Variants in COL11A2 observed in about 807,000 individuals in gnomAD.
COL11A2 encodes collagen type XI alpha 2 chain.
In COL11A2, 116 loss-of-function variants were observed where a neutral mutation model predicts 273.4. The observed-to-expected ratio is 0.42, with a 90% CI of 0.36 to 0.49. COL11A2 has a LOEUF of 0.49. COL11A2 is among the 20% of genes least tolerant of loss of function. The pLI is 0.00. For synonymous variants in COL11A2, 782 were observed against 864.2 expected, an observed-to-expected ratio of 0.90 and a Z score of 1.67; for missense variants, 1,866 against 2,309.0, an observed-to-expected ratio of 0.81 and a Z score of 3.93.
chr6:33,189,156 C>T lies in COL11A2; in HGVS notation c.265G>A (p.Val89Ile). 1 of 1,613,968 alleles carries T rather than the reference C, an allele frequency of 6.2e-7. No individual in the cohort carries two copies. Among genetic ancestry groups the T allele is most frequent in the Non-Finnish European group, 8.5e-7 (1 of 1,179,910 alleles). Residue 89 changes from valine to isoleucine, a missense_variant, in exon 3 of 66, where the codon GTT becomes ATT. Coordinates refer to ENST00000341947, the MANE Select transcript of COL11A2 (RefSeq NM_080680.3). The surrounding 1 kb of genome is among the most constrained non-coding windows in gnomAD (Gnocchi z 5.6). ...TGGAGACCAGGGCGGGTCCGGACAA[C>T]AGTCAGCAGAGAGAAATCTTTGGGA... Reference protein sequence around the residue: ...GFPKDFSLLTVVRTRPGLQAP... With the variant: ...GFPKDFSLLTIVRTRPGLQAP...
Position 33,192,261 on chromosome 6 carries a change from G to T in COL11A2, c.-21C>A, listed in dbSNP as rs767695417. On this transcript the variant is annotated 5_prime_UTR_variant, in exon 1 of 66. Coordinates refer to ENST00000341947, the MANE Select transcript of COL11A2 (RefSeq NM_080680.3). ...TCCATGGCTGAGAAGCCGAAACGCC[G>T]GGTCCCAGGGACCCAGGTCGGCCTG... The T allele has an allele frequency of 2.6e-6, 4 of 1,550,804 alleles. No homozygotes were observed. The highest frequency in any genetic ancestry group is 3.5e-6 in the Non-Finnish European group (4 of 1,147,538).
rs1768734526 is a variant in COL11A2, at chr6:33,164,161, G to A, written c.5070+106C>T. On this transcript the variant is annotated intron_variant, in intron 65 of 65. Coordinates refer to ENST00000341947, the MANE Select transcript of COL11A2 (RefSeq NM_080680.3). This position sits in a 1 kb window ranked among gnomAD's most constrained non-coding sequence, Gnocchi z 4.7. ...GCATCCCTGACAATCCAGCAGGACG[G>A]ACTCCTCCCTGCTCCCCCTGGGTGC... The A allele has an allele frequency of 3.0e-6, 4 of 1,319,238 alleles. No homozygotes were observed. Among genetic ancestry groups the A allele is most frequent in the Non-Finnish European group, 4.2e-6 (4 of 954,424 alleles). The allele number at this position is 1,319,238 out of a possible 1,614,324, so 81.7% of individuals were successfully genotyped here. A position where few individuals can be genotyped will look rare whatever the true frequency, so the allele number is the denominator to read the frequency against.
Position 33,163,658 on chromosome 6 carries a change from A to C in COL11A2, c.*20T>G, listed in dbSNP as rs374717402. ...CAGGTGGGCCTGGTTCCGAATGGACAGGATCAGACAGAGACGGTCCTATCC... is the reference window on the plus strand; with the variant it reads ...CAGGTGGGCCTGGTTCCGAATGGACCGGATCAGACAGAGACGGTCCTATCC... On this transcript the variant is annotated 3_prime_UTR_variant, in exon 66 of 66. Coordinates refer to ENST00000341947, the MANE Select transcript of COL11A2 (RefSeq NM_080680.3). The surrounding 1 kb of genome is among the most constrained non-coding windows in gnomAD (Gnocchi z 4.1). 2.5e-6 allele frequency: 4 copies of C among 1,612,936 alleles called. No individual in the cohort carries two copies. In the African/African-American group the frequency reaches 5.3e-5, roughly 22 times the overall value.
At chr6:33,182,980 C>A (rs899589806) in intron 8 of COL11A2, among the ~76,000 whole-genome samples, 3 of 152,122 alleles carry the variant, frequency 2.0e-5, no homozygotes, top group African/African-American at 7.2e-5. Flanking sequence ...TCTCTGAAAT[C>A]CCATATCAAC....
intron 12 of COL11A2, 151 bp downstream of exon 12, chr6:33,180,107 C>T (rs1177829653): frequency 1.1e-6 from 1 of 895,770 alleles, no homozygotes; most frequent in East Asian, 2.5e-5. Context: ...CCCCATCTCC[C>T]CAACCCCAAA....
In COL11A2 at chr6:33,169,878, G is replaced by A; in HGVS notation, c.3643C>T (p.Pro1215Ser). 3 of 1,614,080 alleles carry A rather than the reference G, an allele frequency of 1.9e-6. No homozygotes were observed. Among genetic ancestry groups the A allele is most frequent in the South Asian group, 2.2e-5 (2 of 91,076 alleles). Reference protein sequence around the residue: ...NLGPPGEKGEPGESGSPGIQG... With the variant: ...NLGPPGEKGESGESGSPGIQG... ...ATCCCTGGAGATCCTGACTCTCCTGGTTCCCCCTGCAAAGAGATTAGAGTC... is the reference window on the plus strand; with the variant it reads ...ATCCCTGGAGATCCTGACTCTCCTGATTCCCCCTGCAAAGAGATTAGAGTC... The change falls in exon 50 of 66, where the codon CCA becomes TCA. Residue 1215 changes from proline (P) to serine (S), a missense_variant. Physicochemically the swap from Pro to Ser is moderately conservative, Grantham distance 74. Transcript: ENST00000341947. The surrounding 1 kb of genome is among the most constrained non-coding windows in gnomAD (Gnocchi z 5.5).
chr6:33,180,968 G>A lies in COL11A2; in HGVS notation c.1217C>T (p.Pro406Leu). ...LVEGPPGPEG[P>L]AGLIGPPGIQ... Reference sequence around the variant, plus strand: ...CCAGGTCACTGCTAGACTTACCGCAGGGCCTTCTGGGCCAGGGGGCCCCTC... The same window carrying A: ...CCAGGTCACTGCTAGACTTACCGCAAGGCCTTCTGGGCCAGGGGGCCCCTC... The change falls in exon 10 of 66, where the codon CCT becomes CTT. Residue 406 changes from proline to leucine, a missense_variant. Pro to Leu is a moderately conservative substitution (Grantham distance 98). Transcript: ENST00000341947. 1 of 1,613,886 alleles carries A rather than the reference G, an allele frequency of 6.2e-7. No homozygotes were observed. Among genetic ancestry groups the A allele is most frequent in the South Asian group, 1.1e-5 (1 of 91,080 alleles).
upstream of COL11A2, among the ~76,000 whole-genome samples, chr6:33,193,183 G>A (rs1773377951): frequency 6.6e-6 from 1 of 152,070 alleles, no homozygotes; most frequent in South Asian, 2.1e-4. Context: ...GACGTGGGCC[G>A]CCTCCGGGCG....
In COL11A2 at chr6:33,177,548, T is replaced by C. The variant is rs1368719633; in HGVS notation, c.1918-83A>G. The C allele has an allele frequency of 6.3e-7, 1 of 1,589,376 alleles. No homozygotes were observed. Among genetic ancestry groups the C allele is most frequent in the East Asian group, 2.2e-5 (1 of 44,640 alleles). ...GCATGGAGCTGAGTCCCAGCAGCGA[T>C]AGCCAAGAAGGCAAGAGCAGGAAGC... is the stretch of plus-strand genomic sequence containing the variant. On this transcript the variant is annotated intron_variant, in intron 22 of 65. Transcript: ENST00000341947. The surrounding 1 kb of genome is among the most constrained non-coding windows in gnomAD (Gnocchi z 5.9).
At chr6:33,175,018 T>A (rs1483249458) in intron 30 of COL11A2, among the ~76,000 whole-genome samples, 1 of 152,162 alleles carries the variant, frequency 6.6e-6, no homozygotes, top group Non-Finnish European at 1.5e-5. Context: ...GGGCTCATCC[T>A]GCCCAGGCAG....
At chr6:33,172,769 C>A in intron 38 of COL11A2, 132 bp from the exon 39 acceptor site, 1 of 857,618 alleles carries the variant, frequency 1.2e-6, no homozygotes, top group Admixed American at 2.0e-5. Flanking sequence ...CTGGGAAATT[C>A]CCCGGCATTC....
At chr6:33,193,251 C>T (rs1050385309), upstream of COL11A2, among the ~76,000 whole-genome samples, 1 of 151,918 alleles carries the variant, frequency 6.6e-6, no homozygotes, top group Non-Finnish European at 1.5e-5. Context: ...CGAGCGGGCA[C>T]GGCGCCGGGT....
rs1469596482 is a variant in COL11A2, at chr6:33,190,825, G to A, written c.82+1334C>T. On this transcript the variant is annotated intron_variant, in intron 1 of 65. Coordinates refer to ENST00000341947, the MANE Select transcript of COL11A2 (RefSeq NM_080680.3). The surrounding 1 kb of genome is among the most constrained non-coding windows in gnomAD (Gnocchi z 4.5). ...ACCCCAGGCCAAGGAGACCTCGGAGGTCCCCACCCTCCACCAAATCCCAAG... is the reference window on the plus strand; with the variant it reads ...ACCCCAGGCCAAGGAGACCTCGGAGATCCCCACCCTCCACCAAATCCCAAG... Among the ~76,000 whole-genome samples the A allele has an allele frequency of 6.6e-6, 1 of 151,988 alleles. No individual in the cohort carries two copies. The highest frequency in any genetic ancestry group is 1.5e-5 in the Non-Finnish European group (1 of 67,998).
Position 33,169,923 on chromosome 6 carries a change from C to G in COL11A2, c.3637-39G>C. On this transcript the variant is annotated intron_variant, in intron 49 of 65. Coordinates refer to ENST00000341947, the MANE Select transcript of COL11A2 (RefSeq NM_080680.3). This position sits in a 1 kb window ranked among gnomAD's most constrained non-coding sequence, Gnocchi z 5.5. ...AGAGTCAAAAACCTCCTCTCCTTCCCCAGCCAAAAAATTCTGATATTCCCC... is the reference window on the plus strand; with the variant it reads ...AGAGTCAAAAACCTCCTCTCCTTCCGCAGCCAAAAAATTCTGATATTCCCC... 1 of 1,614,020 alleles carries G rather than the reference C, an allele frequency of 6.2e-7. No homozygotes were observed. Among genetic ancestry groups the G allele is most frequent in the South Asian group, 1.1e-5 (1 of 91,088 alleles).
intron 8 of COL11A2, among the ~76,000 whole-genome samples, 179 bp downstream of exon 8, chr6:33,183,966 G>T (rs1772039271): frequency 6.6e-6 from 1 of 151,986 alleles, no homozygotes; most frequent in South Asian, 2.1e-4. Context: ...AAGACATTTG[G>T]CAAAGGAAGG....
chr6:33,164,621 A>T lies in COL11A2; in HGVS notation c.4864-148T>A. 1 of 803,680 alleles carries T rather than the reference A, an allele frequency of 1.2e-6. No homozygotes were observed. Among genetic ancestry groups the T allele is most frequent in the Non-Finnish European group, 1.9e-6 (1 of 519,424 alleles). 49.8% of individuals were successfully genotyped at this position (803,680 alleles called of 1,614,324 possible). A position where few individuals can be genotyped will look rare whatever the true frequency, so the allele number is the denominator to read the frequency against. ...GAATGGCTGGAAGGCAAGGGCTGGG[A>T]AAGAAGTGAGGGGCTGAGTGGGAGC... On this transcript the variant is annotated intron_variant, in intron 64 of 65. Coordinates refer to ENST00000341947, the MANE Select transcript of COL11A2 (RefSeq NM_080680.3). The surrounding 1 kb of genome is among the most constrained non-coding windows in gnomAD (Gnocchi z 4.7).
At position 33,189,230 on chromosome 6, in the gene COL11A2, G is replaced by GAGCC. The variant is rs1562390055; in HGVS notation, c.233-46_233-43dup. On this transcript the variant is annotated intron_variant, in intron 2 of 65. Transcript: ENST00000341947. The surrounding 1 kb of genome is among the most constrained non-coding windows in gnomAD (Gnocchi z 5.6). ...ATACACACAGAGTGAGAGGCAAAGG[G>GAGCC]AGCCGCCACAACCCCTTTCCTCCTG... 6.2e-7 allele frequency: 1 copy of GAGCC among 1,612,474 alleles called. No homozygotes were observed. Among genetic ancestry groups the GAGCC allele is most frequent in the South Asian group, 1.1e-5 (1 of 90,972 alleles).
Position 33,176,157 on chromosome 6 carries a change from G to A in COL11A2, c.2215-88C>T, listed in dbSNP as rs890884827. 6.2e-7 allele frequency: 1 copy of A among 1,605,290 alleles called. No individual in the cohort carries two copies. The highest frequency in any genetic ancestry group is 8.5e-7 in the Non-Finnish European group (1 of 1,172,974). ...TCTGAGAACATAGGTGGAAGCAGGG[G>A]CTCGGGAGCTGGACGGCAGTGCGGG... On this transcript the variant is annotated intron_variant, in intron 28 of 65. Transcript: ENST00000341947. The surrounding 1 kb of genome is among the most constrained non-coding windows in gnomAD (Gnocchi z 4.9).
Position 33,168,000 on chromosome 6 carries a change from G to T in COL11A2, c.3961-148C>A. 2 of 825,328 alleles carry T rather than the reference G, an allele frequency of 2.4e-6. No individual in the cohort carries two copies. The highest frequency in any genetic ancestry group is 4.0e-6 in the Non-Finnish European group (2 of 495,332). 51.1% of individuals were successfully genotyped at this position (825,328 alleles called of 1,614,324 possible). ...GCGCCGAGGGCCGATTCACAGATGT[G>T]CAGAACAGATACAGCTGTGACAGTT... is the stretch of plus-strand genomic sequence containing the variant. On this transcript the variant is annotated intron_variant, in intron 54 of 65. Transcript: ENST00000341947. The surrounding 1 kb of genome is among the most constrained non-coding windows in gnomAD (Gnocchi z 6.1).
Sources: gnomAD v4.1 joint callset for allele counts (sites outside exome capture counted in the v4.1 genomes callset) on GRCh38, gnomAD v4.1.1 for gene constraint, Gnocchi (gnomAD v3.1) non-coding constraint, MANE v1.5 for transcripts, NCBI Gene and HGNC (gene_info 2026-07-23, HGNC 2026-07-21) for gene names.